CELSR1: variants seen among roughly 807,000 people sequenced by gnomAD.
CELSR1 encodes the protein adhesion G protein-coupled receptor C1.
CELSR1 carries 110 observed loss-of-function variants against 249.1 expected under a neutral mutation model. The observed-to-expected ratio is 0.44, with a 90% CI of 0.38 to 0.52. The LOEUF is 0.52. Among genes scored for constraint, CELSR1 ranks in the 20% least tolerant of loss-of-function variants. The pLI, the probability that CELSR1 is intolerant of heterozygous loss-of-function variation, is 0.00. For synonymous variants in CELSR1, 2,113 were observed against 1,900.0 expected (o/e 1.11, Z -2.92); for missense variants, 4,109 against 4,296.4 (o/e 0.96, Z 1.22).
At chr22:46,400,487 A>C (rs2079199438) in intron 9 of CELSR1, among the ~76,000 whole-genome samples, 1 of 152,036 alleles carries the variant, frequency 6.6e-6, no homozygotes, top group Non-Finnish European at 1.5e-5. Context: ...AAATACTGAA[A>C]TTAGCCAGGC....
rs185695929 is a variant in CELSR1 at position 46,529,005 on chromosome 22, C to T, written c.3544+4622G>A. Among the ~76,000 whole-genome samples, 19 of 151,548 alleles carry T rather than the reference C, an allele frequency of 1.3e-4. No individual in the cohort carries two copies. The South Asian group carries it at 3.1e-3, about 25-fold the overall frequency. On this transcript the variant is annotated intron_variant, in intron 1 of 34. Transcript: ENST00000674500. The stretch of plus-strand genomic sequence containing the variant: ...CCTGGGCCGGGCACAGTGGCTCACG[C>T]CTATAATCCCACCACTTTGGGAGGC...
In CELSR1 at chr22:46,454,170, G is replaced by C. The variant is rs1053035922; in HGVS notation, c.4183+9537C>G. 3.3e-5 allele frequency among the ~76,000 whole-genome samples: 5 copies of C among 152,134 alleles called. No homozygotes were observed. Among genetic ancestry groups the C allele is most frequent in the Non-Finnish European group, 7.4e-5 (5 of 68,020 alleles). On this transcript the variant is annotated intron_variant, in intron 2 of 34. Coordinates refer to ENST00000674500, the MANE Select transcript of CELSR1 (RefSeq NM_001378328.1). The surrounding 1 kb of genome is among the most constrained non-coding windows in gnomAD (Gnocchi z 5.1). ...GGTGAGGAAGGTGCCAGGGACTAAG[G>C]ACCAGGTGGCCTCCAGCAGCTGAGG... is the stretch of plus-strand genomic sequence containing the variant.
At position 46,464,949 on chromosome 22, in the gene CELSR1, A is replaced by G. The variant is rs898746700; in HGVS notation, c.3545-604T>C. Among the ~76,000 whole-genome samples the G allele has an allele frequency of 2.0e-5, 3 of 152,152 alleles. No individual in the cohort carries two copies. The highest frequency in any genetic ancestry group is 1.3e-4 in the Admixed American group (2 of 15,286). ...TCGGCTGTACCCCACGCAACTCCACATGCCCAGCACACAGGAGGGGCCGAG... is the reference window on the plus strand; with the variant it reads ...TCGGCTGTACCCCACGCAACTCCACGTGCCCAGCACACAGGAGGGGCCGAG... On this transcript the variant is annotated intron_variant, in intron 1 of 34. Coordinates refer to ENST00000674500, the MANE Select transcript of CELSR1 (RefSeq NM_001378328.1). The surrounding 1 kb of genome is among the most constrained non-coding windows in gnomAD (Gnocchi z 8.5).
chr22:46,416,975 T>TGGGGGGGGG (rs1207780118), intron 5 of CELSR1, among the ~76,000 whole-genome samples: 1 of 6,256 alleles, frequency 1.6e-4, no homozygotes, highest in African/African-American at 6.0e-4. Context: ...GAAGGCGGTG[T>TGGGGGGGGG]GGGGGGGTGG....
Position 46,391,082 on chromosome 22 carries a change from A to C in CELSR1, c.6250+104T>G. On this transcript the variant is annotated intron_variant, in intron 16 of 34. Coordinates refer to ENST00000674500, the MANE Select transcript of CELSR1 (RefSeq NM_001378328.1). This position sits in a 1 kb window ranked among gnomAD's most constrained non-coding sequence, Gnocchi z 4.3. ...TTTCTCCCCAGCACTTTGCCTGCGG[A>C]TATTTTTTCAACACGAAACATTCCA... is the stretch of plus-strand genomic sequence containing the variant. The C allele has an allele frequency of 8.7e-6, 8 of 923,614 alleles. No homozygotes were observed. The highest frequency in any genetic ancestry group is 2.5e-5 in the East Asian group (1 of 39,526). The allele number at this position is 923,614 out of a possible 1,614,324, so 57.2% of individuals were successfully genotyped here.
chr22:46,369,266 C>T lies in CELSR1; in HGVS notation c.7873-8G>A. Reference sequence around the variant, plus strand: ...AGAAGTGACTGTGTTGATCTGAAAACAAAACAAGCCGATCAATGTCTTCTC... The same window carrying T: ...AGAAGTGACTGTGTTGATCTGAAAATAAAACAAGCCGATCAATGTCTTCTC... On this transcript the variant is annotated splice_region_variant and splice_polypyrimidine_tract_variant and intron_variant, in intron 26 of 34. Coordinates refer to ENST00000674500, the MANE Select transcript of CELSR1 (RefSeq NM_001378328.1). The T allele has an allele frequency of 7.9e-7, 1 of 1,264,944 alleles. No homozygotes were observed. The highest frequency in any genetic ancestry group is 1.4e-5 in the South Asian group (1 of 71,450). 78.4% of individuals were successfully genotyped at this position (1,264,944 alleles called of 1,614,324 possible).
chr22:46,372,816 G>A (rs2078869981), intron 25 of CELSR1, 67 bp downstream of exon 25: 12 of 1,521,750 alleles, frequency 7.9e-6, no homozygotes, highest in Admixed American at 5.6e-5. Context: ...GGAGGGCAGC[G>A]TTCCTGCACA....
chr22:46,370,211 T>A (rs1364983720), intron 25 of CELSR1: 1 of 449,810 alleles, frequency 2.2e-6, no homozygotes, highest in East Asian at 6.9e-5. Flanking sequence ...GGGATGAGGC[T>A]CCAAAACAGA....
At chr22:46,487,264 G>A (rs6008864) in intron 1 of CELSR1, among the ~76,000 whole-genome samples, 5,999 of 152,006 alleles carry the variant, frequency 0.039, 382 homozygotes, top group African/African-American at 0.14. Flanking sequence ...TTCAGTTCTC[G>A]AGCTAATTGC....
chr22:46,517,121 G>A lies in CELSR1; in HGVS notation c.3544+16506C>T, dbSNP rs1159096624. 6.6e-6 allele frequency among the ~76,000 whole-genome samples: 1 copy of A among 152,198 alleles called. No homozygotes were observed. Among genetic ancestry groups the A allele is most frequent in the Non-Finnish European group, 1.5e-5 (1 of 68,014 alleles). On this transcript the variant is annotated intron_variant, in intron 1 of 34. Coordinates refer to ENST00000674500, the MANE Select transcript of CELSR1 (RefSeq NM_001378328.1). The surrounding 1 kb of genome is among the most constrained non-coding windows in gnomAD (Gnocchi z 5.4). Reference sequence around the variant, plus strand: ...TCTCACCCCAATGGATCATTCCCCTGAGGTATACAAACCACCTCCCCATCC... The same window carrying A: ...TCTCACCCCAATGGATCATTCCCCTAAGGTATACAAACCACCTCCCCATCC...
At position 46,410,536 on chromosome 22, in the gene CELSR1, G is replaced by A; in HGVS notation, c.4795C>T (p.Leu1599Phe). 6.2e-7 allele frequency: 1 copy of A among 1,614,038 alleles called. No homozygotes were observed. Among genetic ancestry groups the A allele is most frequent in the Non-Finnish European group, 8.5e-7 (1 of 1,180,010 alleles). ...GGCAGGTTGGGGACACCCCCCAGGA[G>A]TAGAGGGCCGGTCAGATCCAGGGAC... ...KKSLDLTGPL[L>F]LGGVPNLPED... Residue 1599 changes from leucine to phenylalanine, a missense_variant, in exon 7 of 35, where the codon CTC becomes TTC. Physicochemically the swap from Leu to Phe is conservative, Grantham distance 22 (BLOSUM62 0). Coordinates refer to ENST00000674500, the MANE Select transcript of CELSR1 (RefSeq NM_001378328.1). This position sits in a 1 kb window ranked among gnomAD's most constrained non-coding sequence, Gnocchi z 6.8.
Position 46,405,759 on chromosome 22 carries a change from C to T in CELSR1, c.5226+3237G>A, listed in dbSNP as rs578103246. Among the ~76,000 whole-genome samples, 4 of 152,236 alleles carry T rather than the reference C, an allele frequency of 2.6e-5. No individual in the cohort carries two copies. In the South Asian group the frequency reaches 8.3e-4, roughly 32 times the overall value. On this transcript the variant is annotated intron_variant, in intron 9 of 34. Coordinates refer to ENST00000674500, the MANE Select transcript of CELSR1 (RefSeq NM_001378328.1). The stretch of plus-strand genomic sequence containing the variant: ...TTACAATGGAGTCTTCTTTGTCCCA[C>T]CACAGTGGCAGGGGCACAGGAGACA...
chr22:46,386,244 A>C (rs1279395494), intron 19 of CELSR1, among the ~76,000 whole-genome samples, 158 bp downstream of exon 19: 1 of 152,214 alleles, frequency 6.6e-6, no homozygotes, highest in African/African-American at 2.4e-5. Context: ...TGCTGGGATT[A>C]CAGGTATGAG....
In CELSR1 at chr22:46,448,572, A is replaced by C. The variant is rs1175353029; in HGVS notation, c.4184-9161T>G. The C allele has an allele frequency of 2.3e-6, 1 of 440,932 alleles. No individual in the cohort carries two copies. The highest frequency in any genetic ancestry group is 4.5e-6 in the Non-Finnish European group (1 of 221,566). 27.3% of individuals were successfully genotyped at this position (440,932 alleles called of 1,614,324 possible). On this transcript the variant is annotated intron_variant, in intron 2 of 34. Transcript: ENST00000674500. The surrounding 1 kb of genome is among the most constrained non-coding windows in gnomAD (Gnocchi z 5.7). ...CCTTTCTGGTCCTAAGAAACAGCTA[A>C]GAGCTTTGAACTAGAAAAACTAGAA...
rs558075211 is a variant in CELSR1, at chr22:46,423,729, T to C, written c.4611+9664A>G. ...GGCTCACGCCTATAATCCAGCACTT[T>C]GGGAGGCTGAGGCAGTTGGATCACC... On this transcript the variant is annotated intron_variant, in intron 5 of 34. Coordinates refer to ENST00000674500, the MANE Select transcript of CELSR1 (RefSeq NM_001378328.1). The surrounding 1 kb of genome is among the most constrained non-coding windows in gnomAD (Gnocchi z 5.6). Among the ~76,000 whole-genome samples the C allele has an allele frequency of 6.2e-4, 95 of 152,152 alleles. No individual in the cohort carries two copies. Among genetic ancestry groups the C allele is most frequent in the African/African-American group, 2.0e-3 (82 of 41,494 alleles).
rs1602199500 is a variant in CELSR1 at position 46,484,509 on chromosome 22, A to T, written c.3545-20164T>A. ...CTTTTGAAATGCAAATACCAGGGAG[A>T]GGCTATATTAAGCCACTGACCCCTG... is the stretch of plus-strand genomic sequence containing the variant. On this transcript the variant is annotated intron_variant, in intron 1 of 34. Coordinates refer to ENST00000674500, the MANE Select transcript of CELSR1 (RefSeq NM_001378328.1). The surrounding 1 kb of genome is among the most constrained non-coding windows in gnomAD (Gnocchi z 4.5). Among the ~76,000 whole-genome samples the T allele has an allele frequency of 6.6e-6, 1 of 151,442 alleles. No individual in the cohort carries two copies. Among genetic ancestry groups the T allele is most frequent in the Non-Finnish European group, 1.5e-5 (1 of 67,910 alleles).
chr22:46,400,606 A>C (rs6008802), intron 9 of CELSR1, among the ~76,000 whole-genome samples: 45,379 of 152,040 alleles, frequency 0.3, 11,049 homozygotes, highest in African/African-American at 0.68. Context: ...GCGCCACTGC[A>C]CTCCAGCCTG....
intron 1 of CELSR1, among the ~76,000 whole-genome samples, chr22:46,494,978 T>C (rs1214694015): frequency 6.6e-6 from 1 of 152,348 alleles, no homozygotes; most frequent in East Asian, 1.9e-4. Flanking sequence ...ACTTAAAGAC[T>C]GGGGAAAACA....
chr22:46,532,099 C>G (rs1430073419), intron 1 of CELSR1, among the ~76,000 whole-genome samples: 3 of 152,122 alleles, frequency 2.0e-5, no homozygotes, highest in Non-Finnish European at 4.4e-5. Flanking sequence ...AGCGGGGGGG[C>G]CCACATTACT....
Sources: allele counts gnomAD v4.1 joint callset (sites outside exome capture counted in the v4.1 genomes callset), GRCh38; gene constraint gnomAD v4.1.1; non-coding constraint Gnocchi (gnomAD v3.1); transcripts MANE v1.5; gene names NCBI Gene and HGNC (gene_info 2026-07-23, HGNC 2026-07-21).